ACADM: variants seen among roughly 807,000 people sequenced by gnomAD.
The protein encoded by ACADM is medium-chain specific acyl-CoA dehydrogenase, mitochondrial.
In ACADM, 49 loss-of-function variants were observed where a neutral mutation model predicts 58.9. The observed-to-expected ratio is 0.83, with a 90% CI of 0.66 to 1.06. The LOEUF (loss-of-function observed/expected upper bound fraction) is 1.06, where lower values mean the gene tolerates loss of function less well. Among genes scored for constraint, ACADM ranks in the 50% least tolerant of loss-of-function variants. The pLI is 0.00. For synonymous variants in ACADM, 160 were observed against 157.7 expected, an observed-to-expected ratio of 1.01 and a Z score of -0.11; for missense variants, 496 against 507.0, an observed-to-expected ratio of 0.98 and a Z score of 0.21.
At chr1:75,753,556 C>T (rs1570897790) in intron 10 of ACADM, among the ~76,000 whole-genome samples, 3 of 151,956 alleles carry the variant, frequency 2.0e-5, no homozygotes, top group South Asian at 4.1e-4. Flanking sequence ...GATCTGTCAT[C>T]GTCTTCCAGG....
At chr1:75,753,548 T>C (rs957996764) in intron 10 of ACADM, among the ~76,000 whole-genome samples, 2 of 152,042 alleles carry the variant, frequency 1.3e-5, no homozygotes, top group South Asian at 2.1e-4. Flanking sequence ...TCAGTGAAGA[T>C]CTGTCATCGT....
At chr1:75,729,749 C>A (rs1357470577) in intron 2 of ACADM, among the ~76,000 whole-genome samples, 1 of 151,950 alleles carries the variant, frequency 6.6e-6, no homozygotes, top group African/African-American at 2.4e-5. Flanking sequence ...CCACCTCTGC[C>A]TCCCAAAGTG....
At chr1:75,752,980 G>A (rs148444230) in intron 10 of ACADM, among the ~76,000 whole-genome samples, 20 of 152,216 alleles carry the variant, frequency 1.3e-4, no homozygotes, top group African/African-American at 4.8e-4. Context: ...TTCTTGACTT[G>A]GAGAATCCTG....
intron 2 of ACADM, among the ~76,000 whole-genome samples, chr1:75,732,149 C>CAA (rs11455282): frequency 6.5e-4 from 92 of 141,610 alleles, no homozygotes; most frequent in South Asian, 2.7e-3. Flanking sequence ...GAGACTGTCT[C>CAA]AAAAAAAAAA....
rs910922891 is a variant in ACADM, at chr1:75,724,726, G to C, written c.-62G>C. The C allele has an allele frequency of 1.8e-5, 27 of 1,536,306 alleles. No individual in the cohort carries two copies. Among genetic ancestry groups the C allele is most frequent in the South Asian group, 1.2e-4 (10 of 83,046 alleles). ...GCGGGACCAGAGGAGTCCCGCGTTC[G>C]GGGAGTATGTCAAGGCCGTGACCCG... On this transcript the variant is annotated 5_prime_UTR_variant, in exon 1 of 12. Coordinates refer to ENST00000370841, the MANE Select transcript of ACADM (RefSeq NM_000016.6).
At chr1:75,756,648 A>G (rs147879275) in intron 10 of ACADM, among the ~76,000 whole-genome samples, 157 of 152,364 alleles carry the variant, frequency 1.0e-3, no homozygotes, top group African/African-American at 3.7e-3. Context: ...AAGGTAATTT[A>G]TAGATTCAGT....
rs35897798 is a variant in ACADM, at chr1:75,749,712, C to CT, written c.849+172dup. Among the ~76,000 whole-genome samples the CT allele has an allele frequency of 6.6e-3, 780 of 118,122 alleles. 7 individuals are homozygous for CT. Among genetic ancestry groups the CT allele is most frequent in the South Asian group, 0.01 (39 of 3,846 alleles). 77.5% of individuals were successfully genotyped at this position (118,122 alleles called of 152,430 possible). A position where few individuals can be genotyped will look rare whatever the true frequency, so the allele number is the denominator to read the frequency against. ...AGGAAAAATACTGTTACTTTTCTTT[C>CT]TTTTTTTTTTTTTTTTTTTGAGACA... On this transcript the variant is annotated intron_variant, in intron 9 of 11. Transcript: ENST00000370841.
rs143676730 is a variant in ACADM, at chr1:75,744,041, G to A, written c.600-1765G>A. ...ATCTCATTAAAAATTGTCAGCATTG[G>A]CACATGTATTCTGGGCCTCCTTCAG... On this transcript the variant is annotated intron_variant, in intron 7 of 11. Coordinates refer to ENST00000370841, the MANE Select transcript of ACADM (RefSeq NM_000016.6). 7,940 of 1,583,050 alleles carry A rather than the reference G, an allele frequency of 5.0e-3. 137 individuals carry two copies. In the Admixed American group the frequency reaches 0.057, roughly 11 times the overall value.
intron 6 of ACADM, among the ~76,000 whole-genome samples, chr1:75,736,173 T>TACAC (rs10647103): frequency 0.042 from 6,117 of 144,184 alleles, 160 homozygotes; most frequent in South Asian, 0.066. Flanking sequence ...CACACAGACA[T>TACAC]ACACACACAC....
At chr1:75,740,313 G>GT (rs1177705103) in intron 7 of ACADM, among the ~76,000 whole-genome samples, 2 of 152,142 alleles carry the variant, frequency 1.3e-5, no homozygotes, top group Non-Finnish European at 2.9e-5. Flanking sequence ...ACTCTCAGAA[G>GT]TTTAATGTGT....
intron 11 of ACADM, among the ~76,000 whole-genome samples, 180 bp from the exon 12 acceptor site, chr1:75,762,512 T>G (rs1488213117): frequency 2.6e-5 from 4 of 152,160 alleles, no homozygotes; most frequent in Non-Finnish European, 5.9e-5. Flanking sequence ...CTTTAGAGAA[T>G]TCCATATTTT....
At chr1:75,758,251 A>T (rs1363782604) in intron 10 of ACADM, among the ~76,000 whole-genome samples, 1 of 151,878 alleles carries the variant, frequency 6.6e-6, no homozygotes, top group Admixed American at 6.6e-5. Context: ...TTGTTTTTTA[A>T]GTAGAGACAG....
rs1553123582 is a variant in ACADM, at chr1:75,737,327, T to TGA, written c.468+2457_468+2458dup. 3.1e-3 allele frequency among the ~76,000 whole-genome samples: 237 copies of TGA among 76,664 alleles called. 10 individuals carry two copies. Among genetic ancestry groups the TGA allele is most frequent in the African/African-American group, 0.012 (223 of 18,898 alleles). The allele number at this position is 76,664 out of a possible 152,430, so 50.3% of individuals were successfully genotyped here. A position where few individuals can be genotyped will look rare whatever the true frequency, so the allele number is the denominator to read the frequency against. On this transcript the variant is annotated intron_variant, in intron 6 of 11. Transcript: ENST00000370841. ...ATATATATATATATATATATATATATGAAACCAAAAAGAAGAAAAGAAGAC... is the reference window on the plus strand; with the variant it reads ...ATATATATATATATATATATATATATGAGAAACCAAAAAGAAGAAAAGAAGAC...
At chr1:75,762,069 G>A (rs142821925) in intron 11 of ACADM, among the ~76,000 whole-genome samples, 379 of 152,278 alleles carry the variant, frequency 2.5e-3, no homozygotes, top group Non-Finnish European at 4.1e-3. Context: ...TCCAGAATTT[G>A]TGCCTTATCC....
chr1:75,752,420 T>G (rs1225635892), intron 10 of ACADM, among the ~76,000 whole-genome samples: 2 of 152,228 alleles, frequency 1.3e-5, no homozygotes, highest in Non-Finnish European at 2.9e-5. Flanking sequence ...TTCTGTACCA[T>G]CAACCAGTAA....
At chr1:75,731,445 C>T (rs549695030) in intron 2 of ACADM, among the ~76,000 whole-genome samples, 7 of 152,054 alleles carry the variant, frequency 4.6e-5, no homozygotes, top group African/African-American at 1.7e-4. Flanking sequence ...TTGAAATACC[C>T]TATTATCTCT....
rs1648869470 is a variant in ACADM, at chr1:75,761,666, C to CA, written c.1194+301dup. On this transcript the variant is annotated intron_variant, in intron 11 of 11. Transcript: ENST00000370841. ...TAATTGTAACCCAAACTTTTCTCTC[C>CA]AAAAAGTATGCATGTCATTTAAAAT... 15 of 364,704 alleles carry CA rather than the reference C, an allele frequency of 4.1e-5. No individual in the cohort carries two copies. The South Asian group carries it at 4.9e-4, about 12-fold the overall frequency. The allele number at this position is 364,704 out of a possible 1,614,324, so 22.6% of individuals were successfully genotyped here. A position where few individuals can be genotyped will look rare whatever the true frequency, so the allele number is the denominator to read the frequency against.
intron 6 of ACADM, among the ~76,000 whole-genome samples, chr1:75,738,730 G>C (rs1426640422): frequency 1.3e-5 from 2 of 152,004 alleles, no homozygotes; most frequent in African/African-American, 4.8e-5. Flanking sequence ...CAGGTGGGGG[G>C]CCACCATGCT....
chr1:75,725,121 T>C (rs989215968), intron 1 of ACADM, among the ~76,000 whole-genome samples: 2 of 152,086 alleles, frequency 1.3e-5, no homozygotes, highest in Non-Finnish European at 2.9e-5. Flanking sequence ...TCCCACCTTT[T>C]TCCAAAGTGA....
Sources: gnomAD v4.1 joint callset for allele counts (sites outside exome capture counted in the v4.1 genomes callset) on GRCh38, gnomAD v4.1.1 for gene constraint, MANE v1.5 for transcripts, NCBI Gene and HGNC (gene_info 2026-07-23, HGNC 2026-07-21) for gene names.